Variants in CRKL observed in about 807,000 individuals in gnomAD.
CRKL encodes CRK like proto-oncogene, adaptor protein.
A neutral mutation model predicts 23.0 loss-of-function variants in CRKL; 3 were observed. The ratio of observed to expected loss-of-function variants is 0.13; its 90% confidence interval spans 0.06 to 0.34. CRKL has a LOEUF of 0.34. Ranked by LOEUF, CRKL falls within the 10% of genes least tolerant of loss-of-function variation. The probability of loss-of-function intolerance (pLI) is 1.00; values close to 1 mark genes in which losing one functional copy is unlikely to be tolerated. For missense variants in CRKL, 256 were observed against 394.5 expected (o/e 0.65, Z 2.97); for synonymous variants, 188 against 160.7 (o/e 1.17, Z -1.28).
chr22:20,948,675 T>G (rs148820440), intron 2 of CRKL, among the ~76,000 whole-genome samples: 29 of 152,286 alleles, frequency 1.9e-4, no homozygotes, highest in African/African-American at 7.0e-4. Flanking sequence ...TTATGCCTGT[T>G]TTTATTTTGA....
At chr22:20,920,765 T>C (rs5752261) in intron 1 of CRKL, among the ~76,000 whole-genome samples, 10,549 of 152,220 alleles carry the variant, frequency 0.069, 361 homozygotes, top group East Asian at 0.08. Context: ...CTGTTGGCTC[T>C]TCACTGACTG....
At chr22:20,938,733 C>A (rs974820726) in intron 2 of CRKL, among the ~76,000 whole-genome samples, 2 of 152,038 alleles carry the variant, frequency 1.3e-5, no homozygotes, top group African/African-American at 2.4e-5. Flanking sequence ...CTGACTAAAA[C>A]GGAAGAAATA....
intron 1 of CRKL, among the ~76,000 whole-genome samples, chr22:20,927,518 T>G (rs1390543782): frequency 1.3e-5 from 2 of 151,018 alleles, no homozygotes; most frequent in South Asian, 2.1e-4. Context: ...TCTACCTTTT[T>G]TTTTTTTTTT....
At chr22:20,939,857 C>T (rs147650572) in intron 2 of CRKL, among the ~76,000 whole-genome samples, 3 of 148,780 alleles carry the variant, frequency 2.0e-5, no homozygotes, top group Non-Finnish European at 4.4e-5. Context: ...GGCGTGATCT[C>T]GGCTCACTGC....
At chr22:20,925,242 G>A (rs1246564570) in intron 1 of CRKL, among the ~76,000 whole-genome samples, 2 of 148,632 alleles carry the variant, frequency 1.3e-5, no homozygotes, top group East Asian at 2.0e-4. Context: ...GTAGCCATTC[G>A]ATTTGTGACT....
chr22:20,946,998 T>C (rs902311151), intron 2 of CRKL, among the ~76,000 whole-genome samples: 2 of 152,116 alleles, frequency 1.3e-5, no homozygotes, highest in African/African-American at 4.8e-5. Context: ...GAAAACAGCA[T>C]GAAGAATGAT....
At chr22:20,924,779 A>G (rs1921133369) in intron 1 of CRKL, among the ~76,000 whole-genome samples, 1 of 152,132 alleles carries the variant, frequency 6.6e-6, no homozygotes, top group African/African-American at 2.4e-5. Flanking sequence ...GGTGGAAGTT[A>G]AAGTGAGTCG....
rs371278201 is a variant in CRKL, at chr22:20,927,111, CAAAAAA to C, written c.312-6648_312-6643del. Among the ~76,000 whole-genome samples, 13 of 48,522 alleles carry C rather than the reference CAAAAAA, an allele frequency of 2.7e-4. No individual in the cohort carries two copies. In the East Asian group the frequency reaches 0.01, roughly 38 times the overall value. The allele number at this position is 48,522 out of a possible 152,430, so 31.8% of individuals were successfully genotyped here. A position where few individuals can be genotyped will look rare whatever the true frequency, so the allele number is the denominator to read the frequency against. ...TGGGTGACAGAGCAAGACTCCGTCT[CAAAAAA>C]AAAAAAAAAAAAAAAAAAAGAATGG... On this transcript the variant is annotated intron_variant, in intron 1 of 2. Coordinates refer to ENST00000354336, the MANE Select transcript of CRKL (RefSeq NM_005207.4).
intron 2 of CRKL, among the ~76,000 whole-genome samples, chr22:20,946,354 A>G (rs1283367269): frequency 2.0e-5 from 3 of 152,158 alleles, no homozygotes; most frequent in Non-Finnish European, 4.4e-5. Context: ...CCCTCTTGCC[A>G]TTTAACTCTT....
intron 2 of CRKL, 99 bp from the exon 3 acceptor site, chr22:20,949,612 T>G: frequency 6.7e-7 from 1 of 1,485,374 alleles, no homozygotes; most frequent in African/African-American, 1.4e-5. Flanking sequence ...TAAATAATAA[T>G]GTATGGGCCC....
In CRKL at chr22:20,951,569, A is replaced by G. The variant is rs895151250; in HGVS notation, c.*1724A>G. 2 of 224,860 alleles carry G rather than the reference A, an allele frequency of 8.9e-6. No homozygotes were observed. The highest frequency in any genetic ancestry group is 4.5e-5 in the African/African-American group (2 of 44,880). 13.9% of individuals were successfully genotyped at this position (224,860 alleles called of 1,614,324 possible). Reference sequence around the variant, plus strand: ...CCCTGGTAAAGAAAAGCCTCAGCTCATAGTGAACACAGCAGACCTAGAAAT... The same window carrying G: ...CCCTGGTAAAGAAAAGCCTCAGCTCGTAGTGAACACAGCAGACCTAGAAAT... On this transcript the variant is annotated 3_prime_UTR_variant, in exon 3 of 3. Coordinates refer to ENST00000354336, the MANE Select transcript of CRKL (RefSeq NM_005207.4).
At chr22:20,937,964 G>A (rs550964099) in intron 2 of CRKL, among the ~76,000 whole-genome samples, 72 of 152,242 alleles carry the variant, frequency 4.7e-4, no homozygotes, top group African/African-American at 1.7e-3. Flanking sequence ...CCACCTCACG[G>A]GTTTAAGCGA....
At chr22:20,938,205 A>G (rs1256551126) in intron 2 of CRKL, among the ~76,000 whole-genome samples, 1 of 152,196 alleles carries the variant, frequency 6.6e-6, no homozygotes, top group East Asian at 1.9e-4. Context: ...TATTACAGAG[A>G]ATGATGATGG....
Position 20,951,215 on chromosome 22 carries a change from G to T in CRKL, c.*1370G>T, listed in dbSNP as rs576482420. ...GACCTCCGTGCCCAGGCCCAATCTC[G>T]TCAGGCTGCCAGAGAAAGTTGGTGC... is the stretch of plus-strand genomic sequence containing the variant. On this transcript the variant is annotated 3_prime_UTR_variant, in exon 3 of 3. Transcript: ENST00000354336. 4.6e-4 allele frequency: 108 copies of T among 232,314 alleles called. No individual in the cohort carries two copies. Among genetic ancestry groups the T allele is most frequent in the Middle Eastern group, 2.5e-3 (2 of 804 alleles). The allele number at this position is 232,314 out of a possible 1,614,324, so 14.4% of individuals were successfully genotyped here.
chr22:20,937,611 A>G (rs1008352403), intron 2 of CRKL, among the ~76,000 whole-genome samples: 4 of 151,174 alleles, frequency 2.6e-5, no homozygotes, highest in Non-Finnish European at 5.9e-5. Flanking sequence ...GGAGGAAGGA[A>G]GCCTGGTTAA....
rs2147891344 is a variant in CRKL, at chr22:20,917,976, G to C, written c.42G>C (p.Trp14Cys). 6.2e-7 allele frequency: 1 copy of C among 1,614,144 alleles called. No individual in the cohort carries two copies. The highest frequency in any genetic ancestry group is 8.5e-7 in the Non-Finnish European group (1 of 1,180,022). The part of the protein sequence containing the change: ...ARFDSSDRSA[W>C]YMGPVSRQEA... The stretch of plus-strand genomic sequence containing the variant: ...TCGACTCCTCGGACCGCTCCGCCTG[G>C]TATATGGGGCCGGTGTCTCGCCAGG... The change falls in exon 1 of 3, where the codon TGG becomes TGC. Residue 14 changes from tryptophan (W) to cysteine (C), a missense_variant. This residue lies in a region of CRKL where 85 missense variants were observed against 139.8 expected (regional missense o/e 0.61). Transcript: ENST00000354336.
intron 1 of CRKL, among the ~76,000 whole-genome samples, chr22:20,932,005 G>C (rs1163699350): frequency 6.6e-6 from 1 of 151,882 alleles, no homozygotes; most frequent in Non-Finnish European, 1.5e-5. Context: ...TAGAGACGGG[G>C]TTTCACCGTG....
intron 1 of CRKL, among the ~76,000 whole-genome samples, chr22:20,931,242 AC>A (rs1569134033): frequency 6.6e-6 from 1 of 152,210 alleles, no homozygotes; most frequent in South Asian, 2.1e-4. Flanking sequence ...CCCCATCTCT[AC>A]AGAAAATTTA....
chr22:20,933,646 C>T (rs571044406), intron 1 of CRKL, 133 bp from the exon 2 acceptor site: 52 of 756,870 alleles, frequency 6.9e-5, no homozygotes, highest in Admixed American at 2.9e-4. Context: ...CCAGCCTGGG[C>T]GACAAGAGCA....
Sources: allele counts gnomAD v4.1 joint callset (sites outside exome capture counted in the v4.1 genomes callset), GRCh38; gene constraint gnomAD v4.1.1; regional missense constraint gnomAD v4.1.1; transcripts MANE v1.5; gene names NCBI Gene and HGNC (gene_info 2026-07-23, HGNC 2026-07-21).